The following WDPCP variants were observed in gnomAD, a reference collection of about 807,000 sequenced individuals.
WDPCP encodes the protein WD repeat containing planar cell polarity effector, also known as WD repeat-containing and planar cell polarity effector protein fritz homolog.
A neutral mutation model predicts 93.1 loss-of-function variants in WDPCP; 71 were observed. The ratio of observed to expected loss-of-function variants is 0.76; its 90% confidence interval spans 0.63 to 0.93. The LOEUF (loss-of-function observed/expected upper bound fraction) is 0.93. Ranked by LOEUF, WDPCP falls within the 40% of genes least tolerant of loss-of-function variation. The pLI is 0.00. For synonymous variants in WDPCP, 315 were observed against 315.0 expected (o/e 1.00, Z 0.00); for missense variants, 844 against 887.4 (o/e 0.95, Z 0.62).
At chr2:63,313,165 A>G in intron 13 of WDPCP, 83 bp downstream of exon 13, 1 of 1,318,564 alleles carries the variant, frequency 7.6e-7, no homozygotes, top group Non-Finnish European at 1.1e-6. Context: ...CTGCAAAATG[A>G]CAGTAATCCT....
intron 10 of WDPCP, among the ~76,000 whole-genome samples, chr2:63,395,216 C>T (rs1022940247): frequency 2.6e-5 from 4 of 152,178 alleles, no homozygotes; most frequent in East Asian, 3.9e-4. Context: ...AAAGGCAAAT[C>T]GAATCTATTT....
intron 1 of WDPCP, among the ~76,000 whole-genome samples, chr2:63,520,896 CAAAAAAAAAA>C (rs3051721): frequency 1.0e-5 from 1 of 99,800 alleles, no homozygotes; most frequent in Non-Finnish European, 1.9e-5. Flanking sequence ...GACCCTATCT[CAAAAAAAAAA>C]AAAAAAAAAA....
chr2:63,506,358 G>A (rs1263668393), intron 1 of WDPCP, among the ~76,000 whole-genome samples: 1 of 151,544 alleles, frequency 6.6e-6, no homozygotes, highest in Admixed American at 6.6e-5. Context: ...CCTACACAGA[G>A]GACCATCCAA....
intron 3 of WDPCP, among the ~76,000 whole-genome samples, chr2:63,618,767 C>T (rs996619795): frequency 1.3e-5 from 2 of 151,576 alleles, no homozygotes; most frequent in African/African-American, 4.9e-5. Flanking sequence ...CTCCGCTCAC[C>T]GCAATCTCTG....
chr2:63,696,541 A>T (rs1349629855), intron 2 of WDPCP, among the ~76,000 whole-genome samples: 1 of 152,180 alleles, frequency 6.6e-6, no homozygotes, highest in Non-Finnish European at 1.5e-5. Flanking sequence ...TAGAGCTCCA[A>T]GAGAAGGCAG....
At chr2:63,144,238 GA>G (rs1209261311) in intron 17 of WDPCP, among the ~76,000 whole-genome samples, 1 of 151,404 alleles carries the variant, frequency 6.6e-6, no homozygotes, top group Non-Finnish European at 1.5e-5. Context: ...CTATTGGTGA[GA>G]CTTTCCAGAG....
chr2:63,588,420 T>C lies in WDPCP; in HGVS notation c.-149A>G. 1.1e-6 allele frequency: 1 copy of C among 883,620 alleles called. No individual in the cohort carries two copies. Among genetic ancestry groups the C allele is most frequent in the Non-Finnish European group, 1.9e-6 (1 of 539,660 alleles). 54.7% of individuals were successfully genotyped at this position (883,620 alleles called of 1,614,324 possible). A position where few individuals can be genotyped will look rare whatever the true frequency, so the allele number is the denominator to read the frequency against. ...TGCTACAAAGCAGCCAGGGTGTGCG[T>C]GCGCTCCCGCCTCGTCGCTTAGCAA... On this transcript the variant is annotated 5_prime_UTR_variant, in exon 1 of 18. Coordinates refer to ENST00000272321, the MANE Select transcript of WDPCP (RefSeq NM_015910.7).
At chr2:63,174,545 G>C (rs372440565) in intron 15 of WDPCP, 125 bp downstream of exon 15, 26 of 1,252,416 alleles carry the variant, frequency 2.1e-5, no homozygotes, top group African/African-American at 1.3e-4. Flanking sequence ...CAAAGTCTGA[G>C]CCATGAGAAA....
In WDPCP at chr2:63,450,264, A is replaced by T. The variant is rs543018065; in HGVS notation, c.385-10393T>A. Among the ~76,000 whole-genome samples, 5 of 152,264 alleles carry T rather than the reference A, an allele frequency of 3.3e-5. No individual in the cohort carries two copies. In the South Asian group the frequency reaches 1.0e-3, roughly 32 times the overall value. The stretch of plus-strand genomic sequence containing the variant: ...AGTCCCCAACAGTGGAATGGCCTCC[A>T]TGCCTAGGCTTACATGTGAGAGACA... On this transcript the variant is annotated intron_variant, in intron 6 of 17. Transcript: ENST00000272321.
At chr2:63,323,898 C>T (rs571532021) in intron 12 of WDPCP, among the ~76,000 whole-genome samples, 4 of 151,984 alleles carry the variant, frequency 2.6e-5, no homozygotes, top group Admixed American at 6.6e-5. Flanking sequence ...GTCCAGGGAC[C>T]GTTGCAGGTT....
At chr2:63,157,360 G>T (rs1672332911) in intron 15 of WDPCP, among the ~76,000 whole-genome samples, 1 of 151,726 alleles carries the variant, frequency 6.6e-6, no homozygotes, top group South Asian at 2.1e-4. Flanking sequence ...GGGACTGCTT[G>T]ATATCTTTTT....
chr2:63,299,331 T>C (rs1419869411), intron 13 of WDPCP, among the ~76,000 whole-genome samples: 1 of 152,170 alleles, frequency 6.6e-6, no homozygotes, highest in Non-Finnish European at 1.5e-5. Flanking sequence ...GATGGCTGAG[T>C]GGCCACAACT....
At chr2:63,624,419 T>C (rs1252803986) in intron 3 of WDPCP, among the ~76,000 whole-genome samples, 2 of 151,754 alleles carry the variant, frequency 1.3e-5, no homozygotes, top group Non-Finnish European at 2.9e-5. Context: ...ATTAACAAAA[T>C]AGATAGACCT....
At chr2:63,793,628 A>T (rs1670575246) in intron 2 of WDPCP, among the ~76,000 whole-genome samples, 3 of 152,200 alleles carry the variant, frequency 2.0e-5, no homozygotes. Flanking sequence ...ATAAAATAAT[A>T]AAATGAAATA....
rs33925505 is a variant in WDPCP, at chr2:63,622,066, CTTTTTTTT to C, written n.488+28585_488+28592del. 1.4e-3 allele frequency: 748 copies of C among 529,116 alleles called. 7 individuals carry two copies. The highest frequency in any genetic ancestry group is 3.8e-3 in the African/African-American group (135 of 35,176). 32.8% of individuals were successfully genotyped at this position (529,116 alleles called of 1,614,324 possible). ...CACCCCTCAACATTCTTTCTTTTTTCTTTTTTTTTTTTTTTTTTGGAAGTTGATTTTTA... is the reference window on the plus strand; with the variant it reads ...CACCCCTCAACATTCTTTCTTTTTTCTTTTTTTTTTGGAAGTTGATTTTTA... On this transcript the variant is annotated intron_variant and non_coding_transcript_variant, in intron 3 of 4. Coordinates refer to the WDPCP transcript ENST00000467687.
At chr2:63,526,055 C>G (rs1449711409) in intron 1 of WDPCP, among the ~76,000 whole-genome samples, 3 of 148,834 alleles carry the variant, frequency 2.0e-5, no homozygotes, top group Non-Finnish European at 4.5e-5. Flanking sequence ...GCTGTTGCTA[C>G]TGTGTGTGTG....
intron 17 of WDPCP, among the ~76,000 whole-genome samples, chr2:63,142,323 G>A (rs1056795856): frequency 4.6e-5 from 7 of 152,228 alleles, no homozygotes; most frequent in Middle Eastern, 3.4e-3. Context: ...CAGAGGTTTT[G>A]ATAGGTTGTG....
rs763789574 is a variant in WDPCP, at chr2:63,588,262, C to T, written c.10G>A (p.Glu4Lys). The change falls in exon 1 of 18, where the codon GAG becomes AAG. Residue 4 changes from glutamate to lysine, a missense_variant. Transcript: ENST00000272321. MRR[E>K]FCWDAYSKAA... is the part of the protein sequence containing the mutation. ...TTGGAGTAGGCGTCCCAGCAAAACT[C>T]TCGCCTCATCACCAGACACTACCCC... 78 of 1,574,694 alleles carry T rather than the reference C, an allele frequency of 5.0e-5. No individual in the cohort carries two copies. The South Asian group carries it at 8.5e-4, about 17-fold the overall frequency.
chr2:63,595,918 G>A (rs1709302821), intron 3 of WDPCP, among the ~76,000 whole-genome samples: 1 of 152,160 alleles, frequency 6.6e-6, no homozygotes, highest in Admixed American at 6.5e-5. Flanking sequence ...AACTTTCTCA[G>A]TTTTGAAGGA....
Sources: gnomAD v4.1 joint callset for allele counts (sites outside exome capture counted in the v4.1 genomes callset) on GRCh38, gnomAD v4.1.1 for gene constraint, MANE v1.5 for transcripts, NCBI Gene and HGNC (gene_info 2026-07-23, HGNC 2026-07-21) for gene names.